ZNF652: variants seen among roughly 807,000 people sequenced by gnomAD.
ZNF652 encodes the protein zinc finger protein 652.
A neutral mutation model predicts 45.2 loss-of-function variants in ZNF652; 16 were observed. That is an observed-to-expected ratio of 0.35 (90% CI 0.24 to 0.54). The LOEUF is 0.54. ZNF652 is among the 20% of genes least tolerant of loss of function. The pLI is 0.91. For missense variants in ZNF652, 614 were observed against 765.6 expected, an observed-to-expected ratio of 0.80 and a Z score of 2.34; for synonymous variants, 250 against 260.6, an observed-to-expected ratio of 0.96 and a Z score of 0.39.
At chr17:49,341,601 CT>C (rs1469750819) in intron 1 of ZNF652, among the ~76,000 whole-genome samples, 1 of 151,626 alleles carries the variant, frequency 6.6e-6, no homozygotes. Flanking sequence ...GAGGTCAAGG[CT>C]CCAGTGAGCT....
chr17:49,316,775 A>G (rs1181000126), intron 2 of ZNF652, 51 bp downstream of exon 2: 1 of 1,539,966 alleles, frequency 6.5e-7, no homozygotes, highest in Non-Finnish European at 8.7e-7. Flanking sequence ...GATGAATCTG[A>G]ACAGCCAGGT....
At chr17:49,301,453 A>G (rs2069551604) in intron 5 of ZNF652, among the ~76,000 whole-genome samples, 1 of 152,084 alleles carries the variant, frequency 6.6e-6, no homozygotes. Context: ...ATGTGCCACC[A>G]CACCCAGCTA....
At chr17:49,298,957 A>T (rs769058616) in intron 5 of ZNF652, 33 bp from the exon 6 acceptor site, 8 of 1,567,496 alleles carry the variant, frequency 5.1e-6, no homozygotes, top group Non-Finnish European at 6.9e-6. Flanking sequence ...AATGATTAAC[A>T]TATTAGGTGG....
At position 49,293,009 on chromosome 17, in the gene ZNF652, AGAGT is replaced by A. The variant is rs2069423518; in HGVS notation, c.*5400_*5403del. Among the ~76,000 whole-genome samples the A allele has an allele frequency of 6.6e-6, 1 of 152,130 alleles. No individual in the cohort carries two copies. Among genetic ancestry groups the A allele is most frequent in the Non-Finnish European group, 1.5e-5 (1 of 68,012 alleles). ...TGGCATTTTGAAGGCACTCAAAAAC[AGAGT>A]GAGAGAGACTGAAGCTGCAGTGACA... On this transcript the variant is annotated 3_prime_UTR_variant, in exon 6 of 6. Coordinates refer to ENST00000430262, the MANE Select transcript of ZNF652 (RefSeq NM_001145365.3).
In ZNF652 at chr17:49,356,403, T is replaced by C. The variant is rs1351592169; in HGVS notation, c.-259+5506A>G. Among the ~76,000 whole-genome samples, 5 of 96,692 alleles carry C rather than the reference T, an allele frequency of 5.2e-5. No individual in the cohort carries two copies. In the East Asian group the frequency reaches 1.1e-3, roughly 21 times the overall value. The allele number at this position is 96,692 out of a possible 152,430, so 63.4% of individuals were successfully genotyped here. On this transcript the variant is annotated intron_variant, in intron 1 of 5. Transcript: ENST00000430262. Reference sequence around the variant, plus strand: ...GAGATCACACCACTGCACTTCAGCCTGGGGGACAGAACAAGACTCTGTCTG... The same window carrying C: ...GAGATCACACCACTGCACTTCAGCCCGGGGGACAGAACAAGACTCTGTCTG...
Position 49,307,435 on chromosome 17 carries a change from GAAAAAAAAAA to G in ZNF652, c.1309+3867_1309+3876del, listed in dbSNP as rs1175854049. ...AACAGAGTGAGACTCTGTCTCAAAA[GAAAAAAAAAA>G]AAAAAAAAAAAAAAGGCCAGGCACA... On this transcript the variant is annotated intron_variant, in intron 5 of 5. Coordinates refer to ENST00000430262, the MANE Select transcript of ZNF652 (RefSeq NM_001145365.3). 5.7e-4 allele frequency among the ~76,000 whole-genome samples: 23 copies of G among 40,474 alleles called. 1 individual carries two copies. The South Asian group carries it at 0.022, about 39-fold the overall frequency. 26.6% of individuals were successfully genotyped at this position (40,474 alleles called of 152,430 possible). A position where few individuals can be genotyped will look rare whatever the true frequency, so the allele number is the denominator to read the frequency against.
chr17:49,327,779 ATTTT>A (rs375857868), intron 1 of ZNF652, among the ~76,000 whole-genome samples: 63 of 4,058 alleles, frequency 0.016, no homozygotes, highest in Non-Finnish European at 0.021. Context: ...ATATATATAT[ATTTT>A]TTTTTTTTTT....
chr17:49,304,084 T>C (rs2069594664), intron 5 of ZNF652, among the ~76,000 whole-genome samples: 1 of 147,370 alleles, frequency 6.8e-6, no homozygotes, highest in South Asian at 2.1e-4. Context: ...GTATTTTTAG[T>C]AGAGGCAGGG....
Position 49,333,879 on chromosome 17 carries a change from G to A in ZNF652, c.-258-15896C>T, listed in dbSNP as rs371633200. ...GGCTATAATAAAAAATTGGAACACA[G>A]CAAGTGTTGGTGAGGATGTGAAGAT... On this transcript the variant is annotated intron_variant, in intron 1 of 5. Transcript: ENST00000430262. Among the ~76,000 whole-genome samples the A allele has an allele frequency of 5.3e-5, 8 of 152,112 alleles. No individual in the cohort carries two copies. The East Asian group carries it at 1.5e-3, about 29-fold the overall frequency.
chr17:49,338,700 C>T (rs989512372), intron 1 of ZNF652, among the ~76,000 whole-genome samples: 4 of 152,094 alleles, frequency 2.6e-5, no homozygotes, highest in Non-Finnish European at 4.4e-5. Flanking sequence ...AAAGTCAACA[C>T]TATAGCTACA....
chr17:49,313,633 G>C (rs2069750066), intron 2 of ZNF652, among the ~76,000 whole-genome samples: 2 of 152,018 alleles, frequency 1.3e-5, no homozygotes. Flanking sequence ...TAGTGGTATA[G>C]GTATTATAGG....
intron 5 of ZNF652, among the ~76,000 whole-genome samples, chr17:49,300,479 T>C (rs76471483): frequency 0.01 from 1,575 of 152,294 alleles, 33 homozygotes; most frequent in African/African-American, 0.036. Flanking sequence ...TTTGAACTTA[T>C]TGCTTAGTTC....
At chr17:49,313,721 C>G (rs1286862970) in intron 2 of ZNF652, among the ~76,000 whole-genome samples, 1 of 150,668 alleles carries the variant, frequency 6.6e-6, no homozygotes, top group African/African-American at 2.4e-5. Flanking sequence ...GCCTATAATC[C>G]CAGCATTTCG....
intron 1 of ZNF652, among the ~76,000 whole-genome samples, chr17:49,339,633 G>A (rs1011045716): frequency 6.6e-6 from 1 of 152,044 alleles, no homozygotes; most frequent in African/African-American, 2.4e-5. Context: ...TATCTTCACT[G>A]GCTACTCGTC....
intron 1 of ZNF652, among the ~76,000 whole-genome samples, chr17:49,343,643 T>G (rs1051320413): frequency 6.6e-6 from 1 of 151,972 alleles, no homozygotes; most frequent in African/African-American, 2.4e-5. Flanking sequence ...TTGCTTGCCT[T>G]TAAAAAAAAA....
chr17:49,327,781 T>TG (rs2069981069), intron 1 of ZNF652, among the ~76,000 whole-genome samples: 2 of 5,802 alleles, frequency 3.4e-4, no homozygotes, highest in Admixed American at 1.4e-3. Context: ...ATATATATAT[T>TG]TTTTTTTTTT....
chr17:49,346,701 T>C (rs960706584), intron 1 of ZNF652, among the ~76,000 whole-genome samples: 2 of 152,202 alleles, frequency 1.3e-5, no homozygotes, highest in Non-Finnish European at 2.9e-5. Flanking sequence ...TTGTTTTAGT[T>C]TAAAAAGAGG....
At chr17:49,336,942 G>GTTTTTTTTTTTTTT (rs200178711) in intron 1 of ZNF652, among the ~76,000 whole-genome samples, 1 of 115,172 alleles carries the variant, frequency 8.7e-6, no homozygotes, top group Admixed American at 9.5e-5. Flanking sequence ...TCTTAATGGT[G>GTTTTTTTTTTTTTT]TTTTTTTTTT....
At chr17:49,346,205 C>T (rs1363350467) in intron 1 of ZNF652, among the ~76,000 whole-genome samples, 1 of 152,156 alleles carries the variant, frequency 6.6e-6, no homozygotes, top group Non-Finnish European at 1.5e-5. Flanking sequence ...GCTAATGATG[C>T]CCCCTCACAG....
Sources: allele counts gnomAD v4.1 joint callset (sites outside exome capture counted in the v4.1 genomes callset), GRCh38; gene constraint gnomAD v4.1.1; transcripts MANE v1.5; gene names NCBI Gene and HGNC (gene_info 2026-07-23, HGNC 2026-07-21).